The following SGK3 variants were observed in gnomAD, a reference collection of about 807,000 sequenced individuals.
The protein encoded by SGK3 is serum/glucocorticoid regulated kinase family member 3, also known as serine/threonine-protein kinase Sgk3.
Under a neutral mutation model 68.5 loss-of-function variants are expected in SGK3, and 47 were observed. The ratio of observed to expected loss-of-function variants is 0.69; its 90% CI spans 0.54 to 0.87. The LOEUF is 0.87. Ranked by LOEUF, SGK3 falls within the 40% of genes least tolerant of loss-of-function variation. SGK3 has a pLI of 0.00. For missense variants in SGK3, 479 were observed against 575.5 expected, an observed-to-expected ratio of 0.83 and a Z score of 1.72; for synonymous variants, 181 against 189.1, an observed-to-expected ratio of 0.96 and a Z score of 0.35.
intron 5 of SGK3, among the ~76,000 whole-genome samples, chr8:66,818,369 G>C (rs1296881345): frequency 1.3e-5 from 2 of 152,132 alleles, no homozygotes; most frequent in Non-Finnish European, 2.9e-5. Context: ...ACATTTCCTT[G>C]TGTATTTAAG....
At chr8:66,829,719 G>A (rs142799839) in intron 7 of SGK3, among the ~76,000 whole-genome samples, 3 of 152,176 alleles carry the variant, frequency 2.0e-5, no homozygotes, top group African/African-American at 7.2e-5. Flanking sequence ...AGAGGACAGC[G>A]GGTAGAGACA....
chr8:66,839,541 AT>A (rs1809702136), intron 10 of SGK3, among the ~76,000 whole-genome samples: 3 of 71,540 alleles, frequency 4.2e-5, no homozygotes, highest in Non-Finnish European at 8.4e-5. Flanking sequence ...ATATATATAT[AT>A]ATATATATAT....
chr8:66,753,153 T>A (rs1805873193), intron 1 of SGK3, among the ~76,000 whole-genome samples: 1 of 152,206 alleles, frequency 6.6e-6, no homozygotes, highest in Non-Finnish European at 1.5e-5. Context: ...TATTTAATTA[T>A]CACAACAATC....
intron 1 of SGK3, among the ~76,000 whole-genome samples, chr8:66,717,145 CA>C (rs1804657288): frequency 6.9e-6 from 1 of 145,760 alleles, no homozygotes; most frequent in South Asian, 2.1e-4. Context: ...GTAGAGGTTT[CA>C]GTGAGCCAAG....
intron 1 of SGK3, among the ~76,000 whole-genome samples, chr8:66,788,922 G>A (rs895472344): frequency 6.6e-6 from 1 of 152,134 alleles, no homozygotes; most frequent in African/African-American, 2.4e-5. Context: ...TGATCTGTGG[G>A]CTGTCAAGAT....
At chr8:66,776,384 C>T (rs1806715420) in intron 1 of SGK3, among the ~76,000 whole-genome samples, 4 of 152,164 alleles carry the variant, frequency 2.6e-5, no homozygotes, top group Admixed American at 2.6e-4. Context: ...TTATACAGAA[C>T]TTTTAAGTTG....
chr8:66,829,540 G>A (rs1809212804), intron 7 of SGK3, among the ~76,000 whole-genome samples: 1 of 152,208 alleles, frequency 6.6e-6, no homozygotes, highest in Non-Finnish European at 1.5e-5. Context: ...GCCTAAAAGA[G>A]GAGGGAGTAA....
chr8:66,715,628 T>C (rs1322482950), intron 1 of SGK3, among the ~76,000 whole-genome samples: 1 of 152,204 alleles, frequency 6.6e-6, no homozygotes, highest in Non-Finnish European at 1.5e-5. Context: ...ATTGTAAATA[T>C]TTTTGAAATA....
intron 1 of SGK3, among the ~76,000 whole-genome samples, chr8:66,718,737 A>G (rs1804715462): frequency 6.6e-6 from 1 of 152,054 alleles, no homozygotes; most frequent in Non-Finnish European, 1.5e-5. Context: ...CAGGTTGGTC[A>G]GGATGGTCTC....
At chr8:66,756,266 CA>C (rs1805969770) in intron 1 of SGK3, among the ~76,000 whole-genome samples, 1 of 152,056 alleles carries the variant, frequency 6.6e-6, no homozygotes, top group Admixed American at 6.6e-5. Flanking sequence ...AATTGTGAGA[CA>C]ATGCATTTCT....
intron 1 of SGK3, among the ~76,000 whole-genome samples, chr8:66,742,462 C>T (rs1805510983): frequency 6.6e-6 from 1 of 152,070 alleles, no homozygotes. Flanking sequence ...AAACTCTTGG[C>T]CCCAAGGGAT....
chr8:66,744,496 TATATATATATATATATATATA>T (rs1219087565), intron 1 of SGK3, among the ~76,000 whole-genome samples: 28 of 23,056 alleles, frequency 1.2e-3, no homozygotes, highest in Non-Finnish European at 2.0e-3. Flanking sequence ...TATATATATA[TATATATATATATATATATATA>T]TATTTTTTTT....
At chr8:66,729,659 T>A (rs1314119379) in intron 1 of SGK3, among the ~76,000 whole-genome samples, 4 of 152,256 alleles carry the variant, frequency 2.6e-5, no homozygotes, top group African/African-American at 7.2e-5. Context: ...AAGTGCTGGG[T>A]CATATGGTAA....
intron 1 of SGK3, among the ~76,000 whole-genome samples, chr8:66,788,786 C>A (rs1234917564): frequency 2.0e-5 from 3 of 152,202 alleles, no homozygotes; most frequent in Non-Finnish European, 4.4e-5. Flanking sequence ...AATCCCTGAA[C>A]TTTCATGAGT....
chr8:66,791,692 G>A (rs974830879), intron 1 of SGK3, among the ~76,000 whole-genome samples: 3 of 152,184 alleles, frequency 2.0e-5, no homozygotes, highest in Admixed American at 6.5e-5. Context: ...TGAGCCCCAC[G>A]TTCTCAAGGG....
intron 4 of SGK3, among the ~76,000 whole-genome samples, chr8:66,806,323 C>G (rs1808161885): frequency 6.6e-6 from 1 of 152,096 alleles, no homozygotes; most frequent in Non-Finnish European, 1.5e-5. Context: ...TGGCAATATA[C>G]TGGTTTTAAG....
intron 5 of SGK3, among the ~76,000 whole-genome samples, chr8:66,817,520 T>C (rs1808642495): frequency 6.6e-6 from 1 of 151,574 alleles, no homozygotes; most frequent in Admixed American, 6.6e-5. Flanking sequence ...ACCTGGCTAA[T>C]TTTTGTATTT....
chr8:66,754,608 C>A (rs150315257), intron 1 of SGK3, among the ~76,000 whole-genome samples: 14 of 152,370 alleles, frequency 9.2e-5, no homozygotes, highest in African/African-American at 3.4e-4. Flanking sequence ...ATTTATGTTT[C>A]ATATACACCT....
chr8:66,810,320 G>T (rs1000058816), intron 4 of SGK3, among the ~76,000 whole-genome samples: 2 of 151,952 alleles, frequency 1.3e-5, no homozygotes, highest in South Asian at 2.1e-4. Flanking sequence ...AATGAAATTG[G>T]AATAGCAGAA....
Sources: allele counts gnomAD v4.1 joint callset (sites outside exome capture counted in the v4.1 genomes callset), GRCh38; gene constraint gnomAD v4.1.1; transcripts MANE v1.5; gene names NCBI Gene and HGNC (gene_info 2026-07-23, HGNC 2026-07-21).